Variants in SCAF11 observed in about 807,000 individuals in gnomAD.
The protein encoded by SCAF11 is SR-related CTD associated factor 11.
SCAF11 carries 47 observed loss-of-function variants against 140.5 expected under a neutral mutation model. The ratio of observed to expected loss-of-function variants is 0.33; its 90% confidence interval spans 0.26 to 0.43. The LOEUF is 0.43. Among genes scored for constraint, SCAF11 ranks in the 20% least tolerant of loss-of-function variants. SCAF11 has a pLI of 1.00. For missense variants in SCAF11, 1,645 were observed against 1,705.1 expected (o/e 0.96, Z 0.62); for synonymous variants, 557 against 579.4 (o/e 0.96, Z 0.55).
Position 45,922,159 on chromosome 12 carries a change from A to G in SCAF11, c.4281T>C (p.Thr1427=), listed in dbSNP as rs139826670. 2.4e-5 allele frequency: 39 copies of G among 1,612,408 alleles called. No homozygotes were observed. The highest frequency in any genetic ancestry group is 3.2e-5 in the Non-Finnish European group (38 of 1,179,622). Residue 1427 remains threonine, a synonymous_variant, in exon 15 of 15, where the codon ACT becomes ACC. Coordinates refer to ENST00000369367, the MANE Select transcript of SCAF11 (RefSeq NM_004719.3). The part of the protein sequence containing the change: ...CHSKSGEVNS[T]KVANLVKAYV... ...AGGCTTTAACCAGATTTGCCACTTTAGTAGAATTTACTTCTCCACTCTTAC... is the reference window on the plus strand; with the variant it reads ...AGGCTTTAACCAGATTTGCCACTTTGGTAGAATTTACTTCTCCACTCTTAC...
At chr12:45,944,968 C>A (rs1945385767) in intron 6 of SCAF11, 2 of 375,396 alleles carry the variant, frequency 5.3e-6, no homozygotes, top group East Asian at 5.7e-5. Flanking sequence ...TGGAATAAGG[C>A]CACAGTATGA....
Position 45,981,351 on chromosome 12 carries a change from G to A in SCAF11, c.-22+9002C>T, listed in dbSNP as rs961274196. 5.9e-5 allele frequency among the ~76,000 whole-genome samples: 9 copies of A among 152,148 alleles called. No individual in the cohort carries two copies. In the South Asian group the frequency reaches 6.2e-4, roughly 10 times the overall value. ...TAAAACAAACTATTCTAAATGATGT[G>A]ATGATGTAGAGAACAGTCTTACAAA... On this transcript the variant is annotated intron_variant, in intron 1 of 14. Transcript: ENST00000369367.
upstream of SCAF11, among the ~76,000 whole-genome samples, chr12:45,991,629 G>A (rs1946613870): frequency 6.6e-6 from 1 of 152,198 alleles, no homozygotes; most frequent in Admixed American, 6.5e-5. Flanking sequence ...ATAGTGACGT[G>A]TGTGCCATCC....
intron 13 of SCAF11, 149 bp downstream of exon 13, chr12:45,922,787 C>T (rs1944745950): frequency 1.2e-6 from 1 of 826,272 alleles, no homozygotes; most frequent in Non-Finnish European, 1.9e-6. Flanking sequence ...TACTGGACAT[C>T]AACACATCTA....
At chr12:45,951,851 T>A (rs1945557893) in intron 3 of SCAF11, 124 bp from the exon 4 acceptor site, 2 of 609,190 alleles carry the variant, frequency 3.3e-6, no homozygotes, top group African/African-American at 1.9e-5. Flanking sequence ...AATATTTTTA[T>A]ACCTTAAATT....
intron 6 of SCAF11, among the ~76,000 whole-genome samples, chr12:45,938,742 A>C (rs759946327): frequency 4.0e-5 from 6 of 151,240 alleles, no homozygotes; most frequent in Non-Finnish European, 8.8e-5. Flanking sequence ...AAAGGCTCTG[A>C]GCTTAGAACC....
At chr12:45,964,375 G>A (rs975847287) in intron 1 of SCAF11, among the ~76,000 whole-genome samples, 187 bp from the exon 2 acceptor site, 5 of 152,054 alleles carry the variant, frequency 3.3e-5, no homozygotes, top group East Asian at 1.9e-4. Context: ...CTTATTGAAC[G>A]GAAAAGCCTT....
At chr12:45,954,939 C>CG (rs1555169325) in intron 3 of SCAF11, 1 of 150,162 alleles carries the variant, frequency 6.7e-6, no homozygotes, top group Non-Finnish European at 1.5e-5. Context: ...GATTCCCCCC[C>CG]TTTTTTTTCC....
At chr12:45,946,210 C>T (rs934502204) in intron 5 of SCAF11, among the ~76,000 whole-genome samples, 1 of 152,158 alleles carries the variant, frequency 6.6e-6, no homozygotes, top group African/African-American at 2.4e-5. Context: ...CACTGCAATG[C>T]CTTCTTTGGA....
intron 1 of SCAF11, 39 bp downstream of exon 1, chr12:45,990,314 G>A (rs1372810526): frequency 2.4e-6 from 3 of 1,231,726 alleles, no homozygotes; most frequent in Non-Finnish European, 2.0e-6. Context: ...CCAGACAGCT[G>A]CCCAAGCCCA....
At position 45,927,296 on chromosome 12, in the gene SCAF11, G is replaced by A. The variant is rs1366636635; in HGVS notation, c.2405C>T (p.Ser802Leu). The A allele has an allele frequency of 1.9e-6, 3 of 1,613,886 alleles. No homozygotes were observed. Among genetic ancestry groups the A allele is most frequent in the African/African-American group, 2.7e-5 (2 of 74,878 alleles). Residue 802 changes from serine to leucine, a missense_variant, in exon 11 of 15, where the codon TCA (serine) becomes TTA (leucine). By Grantham distance (145) the Ser-to-Leu change is moderately radical (BLOSUM62 -2). Transcript: ENST00000369367. ...TTCTTGTGGAGTGTCTTTGTTGGGT[G>A]ACCAAGTTGTAGATGGAGAATGAAA... Reference protein sequence around the residue: ...SRFHSPSTTWSPNKDTPQEKK... With the variant: ...SRFHSPSTTWLPNKDTPQEKK...
At chr12:45,934,385 T>C (rs1170815139) in intron 7 of SCAF11, 62 bp downstream of exon 7, 2 of 1,387,510 alleles carry the variant, frequency 1.4e-6, no homozygotes, top group East Asian at 2.3e-5. Context: ...TGGTTATTTA[T>C]GGACTAAATA....
rs988131638 is a variant in SCAF11, at chr12:45,990,545, T to C, written c.-214A>G. ...AAGCAGGGAGCGACCCAGGTTGCGC[T>C]GCTCCGCGCGGCTTAAGCCACCGCT... On this transcript the variant is annotated 5_prime_UTR_variant, in exon 1 of 15. Coordinates refer to ENST00000369367, the MANE Select transcript of SCAF11 (RefSeq NM_004719.3). 3 of 1,231,794 alleles carry C rather than the reference T, an allele frequency of 2.4e-6. No homozygotes were observed. The highest frequency in any genetic ancestry group is 1.5e-5 in the African/African-American group (1 of 64,540). 76.3% of individuals were successfully genotyped at this position (1,231,794 alleles called of 1,614,324 possible).
intron 3 of SCAF11, among the ~76,000 whole-genome samples, chr12:45,958,547 C>A (rs970395248): frequency 2.0e-5 from 3 of 152,106 alleles, no homozygotes; most frequent in African/African-American, 7.2e-5. Flanking sequence ...TCCTTAATGT[C>A]AATTATTGTG....
Position 45,922,185 on chromosome 12 carries a change from T to C in SCAF11, c.4255A>G (p.Ser1419Gly). Residue 1419 changes from serine to glycine, a missense_variant, in exon 15 of 15, where the codon AGT becomes GGT. Transcript: ENST00000369367. ...GTAGAATTTACTTCTCCACTCTTACTATGACAAACCTAAGAAAAAAGGGGT... is the reference window on the plus strand; with the variant it reads ...GTAGAATTTACTTCTCCACTCTTACCATGACAAACCTAAGAAAAAAGGGGT... ...VRKAVDKVCHSKSGEVNSTKV... is the reference protein window; with the variant it reads ...VRKAVDKVCHGKSGEVNSTKV... 2 of 1,605,968 alleles carry C rather than the reference T, an allele frequency of 1.2e-6. No homozygotes were observed. The highest frequency in any genetic ancestry group is 1.1e-5 in the South Asian group (1 of 88,746).
At position 45,964,121 on chromosome 12, in the gene SCAF11, T is replaced by A. The variant is rs775738764; in HGVS notation, c.47A>T (p.Tyr16Phe). 1.6e-5 allele frequency: 25 copies of A among 1,524,730 alleles called. No individual in the cohort carries two copies. The highest frequency in any genetic ancestry group is 2.3e-5 in the Non-Finnish European group (25 of 1,107,712). 94.5% of individuals were successfully genotyped at this position (1,524,730 alleles called of 1,614,324 possible). A position where few individuals can be genotyped will look rare whatever the true frequency, so the allele number is the denominator to read the frequency against. Reference sequence around the variant, plus strand: ...TGAAAAGTTACCTTCCATGTCTTCATACTTCTTATCTCCCATATTTAGGGT... The same window carrying A: ...TGAAAAGTTACCTTCCATGTCTTCAAACTTCTTATCTCCCATATTTAGGGT... ...VCTLNMGDKK[Y>F]EDMEGEENGD... The change falls in exon 2 of 15, where the codon TAT becomes TTT. Residue 16 changes from tyrosine (Y) to phenylalanine (F), a missense_variant. This residue lies in a region of SCAF11 where 1,582 missense variants were observed against 1,609.2 expected (regional missense o/e 0.98). Transcript: ENST00000369367.
intron 3 of SCAF11, among the ~76,000 whole-genome samples, chr12:45,960,293 T>G (rs558701149): frequency 6.6e-6 from 1 of 152,102 alleles, no homozygotes; most frequent in Admixed American, 6.6e-5. Context: ...GCAAAACATA[T>G]ACTCCGATTA....
rs1237853967 is a variant in SCAF11, at chr12:45,923,126, T to C, written c.3935A>G (p.Asn1312Ser). ...AGGCAAAACTGGTGTACTCATGTTA[T>C]TACTTACATGAGAAGAACTAGGAAT... ...QGIPSSSHVS[N>S]NMSTPVLPAP... Residue 1312 changes from asparagine (N) to serine (S), a missense_variant, in exon 13 of 15, where the codon AAT becomes AGT. Coordinates refer to ENST00000369367, the MANE Select transcript of SCAF11 (RefSeq NM_004719.3). The C allele has an allele frequency of 1.2e-6, 2 of 1,613,892 alleles. No individual in the cohort carries two copies. The highest frequency in any genetic ancestry group is 1.7e-6 in the Non-Finnish European group (2 of 1,179,738).
In SCAF11 at chr12:45,927,798, G is replaced by T; in HGVS notation, c.1903C>A (p.Leu635Ile). 2 of 1,613,484 alleles carry T rather than the reference G, an allele frequency of 1.2e-6. No individual in the cohort carries two copies. Among genetic ancestry groups the T allele is most frequent in the African/African-American group, 2.7e-5 (2 of 74,990 alleles). Residue 635 changes from leucine to isoleucine, a missense_variant, in exon 11 of 15, where the codon CTT becomes ATT. Physicochemically the swap from Leu to Ile is conservative, Grantham distance 5. Transcript: ENST00000369367. ...ACATCTTCAGTTTCAACATGCCCAA[G>T]CAATTGAACCTCTGGGCTCTTAACA... ...QSVKSPEVQL[L>I]GHVETEDVEI...
Sources: allele counts gnomAD v4.1 joint callset (sites outside exome capture counted in the v4.1 genomes callset), GRCh38; gene constraint gnomAD v4.1.1; regional missense constraint gnomAD v4.1.1; transcripts MANE v1.5; gene names NCBI Gene and HGNC (gene_info 2026-07-23, HGNC 2026-07-21).